RMI1: variants seen among roughly 807,000 people sequenced by gnomAD.
RMI1 encodes RecQ mediated genome instability 1.
A neutral mutation model predicts 46.7 loss-of-function variants in RMI1; 36 were observed. The observed-to-expected ratio is 0.77, with a 90% confidence interval of 0.59 to 1.02. RMI1 has a LOEUF of 1.02. RMI1 is among the 50% of genes least tolerant of loss of function. RMI1 has a pLI of 0.00. For synonymous variants in RMI1, 250 were observed against 252.9 expected, an observed-to-expected ratio of 0.99 and a Z score of 0.11; for missense variants, 676 against 713.7, an observed-to-expected ratio of 0.95 and a Z score of 0.60.
At position 84,001,052 on chromosome 9, in the gene RMI1, A is replaced by T; in HGVS notation, c.66A>T (p.Val22=). ...TWLLAAWHVK[V]PPMWLEACIN... is the part of the protein sequence containing the mutation. ...TTTTAGCTGCATGGCATGTTAAAGT[A>T]CCTCCGATGTGGCTGGAAGCTTGTA... is the stretch of plus-strand genomic sequence containing the variant. The change falls in exon 3 of 3, where the codon GTA becomes GTT. Residue 22 remains valine (V), a synonymous_variant. Transcript: ENST00000445877. 6.2e-7 allele frequency: 1 copy of T among 1,613,992 alleles called. No individual in the cohort carries two copies. The highest frequency in any genetic ancestry group is 1.3e-5 in the African/African-American group (1 of 75,036).
chr9:83,991,954 T>C (rs982742920), intron 1 of RMI1, among the ~76,000 whole-genome samples: 4 of 152,236 alleles, frequency 2.6e-5, no homozygotes, highest in African/African-American at 4.8e-5. Context: ...AAAATTGTCT[T>C]GGCAATTCTA....
At chr9:83,981,416 G>C (rs2133091600) in intron 1 of RMI1, among the ~76,000 whole-genome samples, 1 of 152,382 alleles carries the variant, frequency 6.6e-6, no homozygotes, top group African/African-American at 2.4e-5. Flanking sequence ...TGGCAGTGAT[G>C]AAAACAGACA....
At chr9:83,990,146 G>C (rs764054402) in intron 1 of RMI1, among the ~76,000 whole-genome samples, 6 of 152,196 alleles carry the variant, frequency 3.9e-5, no homozygotes, top group Non-Finnish European at 7.3e-5. Flanking sequence ...AAGGTAGAGA[G>C]TAGAACAATG....
chr9:83,989,630 T>G (rs1957538357), intron 1 of RMI1, among the ~76,000 whole-genome samples: 1 of 146,708 alleles, frequency 6.8e-6, no homozygotes, highest in South Asian at 2.1e-4. Flanking sequence ...CACAATGAGA[T>G]ATCGTCTCAC....
intron 1 of RMI1, among the ~76,000 whole-genome samples, chr9:83,987,551 T>A (rs1232223813): frequency 1.3e-5 from 2 of 152,130 alleles, no homozygotes; most frequent in Non-Finnish European, 2.9e-5. Context: ...TAGTTCTGAG[T>A]TTTGATAAAC....
At chr9:83,981,321 TA>T (rs948095340) in intron 1 of RMI1, among the ~76,000 whole-genome samples, 2 of 152,228 alleles carry the variant, frequency 1.3e-5, no homozygotes, top group African/African-American at 4.8e-5. Flanking sequence ...TTTTAGGCAA[TA>T]TGTATTGCCC....
Position 84,003,842 on chromosome 9 carries a change from C to T in RMI1, c.*978C>T, listed in dbSNP as rs1006304006. Reference sequence around the variant, plus strand: ...TATTGGATTAAAATGAAGCATTTATCTATGTCTTTAGGTGTCATTGTTCCC... The same window carrying T: ...TATTGGATTAAAATGAAGCATTTATTTATGTCTTTAGGTGTCATTGTTCCC... On this transcript the variant is annotated 3_prime_UTR_variant, in exon 3 of 3. Transcript: ENST00000445877. 3.6e-5 allele frequency: 6 copies of T among 166,908 alleles called. No individual in the cohort carries two copies. The East Asian group carries it at 1.2e-3, about 32-fold the overall frequency. The allele number at this position is 166,908 out of a possible 1,614,324, so 10.3% of individuals were successfully genotyped here. A position where few individuals can be genotyped will look rare whatever the true frequency, so the allele number is the denominator to read the frequency against.
chr9:83,997,995 C>G (rs1957683322), intron 1 of RMI1, among the ~76,000 whole-genome samples: 1 of 152,044 alleles, frequency 6.6e-6, no homozygotes, highest in Admixed American at 6.6e-5. Context: ...TGGGATCTTG[C>G]TTTGTTGCCC....
intron 1 of RMI1, among the ~76,000 whole-genome samples, chr9:83,998,220 T>G (rs1256611302): frequency 6.6e-6 from 1 of 152,232 alleles, no homozygotes; most frequent in Non-Finnish European, 1.5e-5. Flanking sequence ...AAAGACTTTT[T>G]GTACTTTTGA....
At position 83,985,528 on chromosome 9, in the gene RMI1, C is replaced by T. The variant is rs150677009; in HGVS notation, c.-126+4637C>T. Among the ~76,000 whole-genome samples the T allele has an allele frequency of 5.1e-3, 768 of 152,028 alleles. 6 individuals carry two copies. The highest frequency in any genetic ancestry group is 0.018 in the African/African-American group (732 of 41,484). ...TAGTCAATGGAATTTTTTTCTTTGC[C>T]CAGTTATGATAACATTACTGTAAAT... On this transcript the variant is annotated intron_variant, in intron 1 of 2. Transcript: ENST00000445877.
Position 83,996,684 on chromosome 9 carries a change from C to T in RMI1, c.-125-3025C>T, listed in dbSNP as rs538076102. ...CCTATTAGATTAGTTCGTTCTTGTT[C>T]TGCTGTAAAGAAATACCTGAGACTG... On this transcript the variant is annotated intron_variant, in intron 1 of 2. Coordinates refer to ENST00000445877, the MANE Select transcript of RMI1 (RefSeq NM_001358291.2). 2.5e-4 allele frequency among the ~76,000 whole-genome samples: 38 copies of T among 152,004 alleles called. No individual in the cohort carries two copies. The South Asian group carries it at 6.2e-3, about 25-fold the overall frequency.
At chr9:83,989,852 A>G (rs1362635518) in intron 1 of RMI1, among the ~76,000 whole-genome samples, 2 of 152,172 alleles carry the variant, frequency 1.3e-5, no homozygotes, top group Non-Finnish European at 2.9e-5. Flanking sequence ...AGTATAAACT[A>G]AAAGAAAGGA....
chr9:83,982,360 G>C (rs1006939250), intron 1 of RMI1, among the ~76,000 whole-genome samples: 1 of 152,140 alleles, frequency 6.6e-6, no homozygotes, highest in Non-Finnish European at 1.5e-5. Context: ...CAAGTAAGCA[G>C]CCCTATATAA....
At position 84,001,268 on chromosome 9, in the gene RMI1, T is replaced by C. The variant is rs1957732055; in HGVS notation, c.282T>C (p.Asp94=). 6.2e-7 allele frequency: 1 copy of C among 1,614,108 alleles called. No homozygotes were observed. The highest frequency in any genetic ancestry group is 8.5e-7 in the Non-Finnish European group (1 of 1,179,990). Residue 94 remains aspartate, a synonymous_variant, in exon 3 of 3, where the codon GAT becomes GAC. Transcript: ENST00000445877. Reference sequence around the variant, plus strand: ...CTCTGCAGATTAATTCCTTGGTTGATGTAAGTCAGCCTGCATACTCCCAGA... The same window carrying C: ...CTCTGCAGATTAATTCCTTGGTTGACGTAAGTCAGCCTGCATACTCCCAGA... ...FYALQINSLV[D]VSQPAYSQIQ... is the part of the protein sequence containing the mutation.
chr9:83,995,990 C>T (rs1306226873), intron 1 of RMI1, among the ~76,000 whole-genome samples: 1 of 152,046 alleles, frequency 6.6e-6, no homozygotes, highest in Non-Finnish European at 1.5e-5. Context: ...TAAGATGTTT[C>T]ATTTAAAAAA....
intron 1 of RMI1, among the ~76,000 whole-genome samples, chr9:83,991,272 A>G (rs1465869915): frequency 6.7e-6 from 1 of 148,738 alleles, no homozygotes; most frequent in Non-Finnish European, 1.5e-5. Flanking sequence ...TCTTTCTTTT[A>G]TGCATCATGG....
chr9:83,989,380 C>T (rs1327107350), intron 1 of RMI1, among the ~76,000 whole-genome samples: 1 of 152,068 alleles, frequency 6.6e-6, no homozygotes, highest in African/African-American at 2.4e-5. Context: ...AAGGAAATAA[C>T]CAACAGAGTA....
At chr9:83,985,737 G>C (rs1381640960) in intron 1 of RMI1, among the ~76,000 whole-genome samples, 1 of 152,192 alleles carries the variant, frequency 6.6e-6, no homozygotes, top group East Asian at 1.9e-4. Context: ...GGCCGGGCGC[G>C]GTGGCTCACG....
chr9:83,989,446 G>A (rs1236082937), intron 1 of RMI1, among the ~76,000 whole-genome samples: 1 of 152,052 alleles, frequency 6.6e-6, no homozygotes, highest in African/African-American at 2.4e-5. Context: ...TCTGACGAGG[G>A]ATTAATAACA....
Sources: gnomAD v4.1 joint callset for allele counts (sites outside exome capture counted in the v4.1 genomes callset) on GRCh38, gnomAD v4.1.1 for gene constraint, MANE v1.5 for transcripts, NCBI Gene and HGNC (gene_info 2026-07-23, HGNC 2026-07-21) for gene names.